NCAM2: variants seen among roughly 807,000 people sequenced by gnomAD.
NCAM2 encodes the protein N-CAM-2.
A neutral mutation model predicts 98.1 loss-of-function variants in NCAM2; 30 were observed. The ratio of observed to expected loss-of-function variants is 0.31; its 90% CI spans 0.23 to 0.41. The LOEUF is 0.41. Ranked by LOEUF, NCAM2 falls within the 10% of genes least tolerant of loss-of-function variation. The pLI, the probability that NCAM2 is intolerant of heterozygous loss-of-function variation, is 1.00. For synonymous variants in NCAM2, 368 were observed against 342.4 expected (o/e 1.07, Z -0.83); for missense variants, 867 against 1,005.8 (o/e 0.86, Z 1.87).
chr21:21,461,255 A>G (rs191429152), intron 12 of NCAM2, among the ~76,000 whole-genome samples: 40 of 152,046 alleles, frequency 2.6e-4, no homozygotes, highest in Non-Finnish European at 5.3e-4. Flanking sequence ...TATGAAACAT[A>G]TTTTGTTCAA....
At chr21:21,026,894 T>C (rs1312580870) in intron 1 of NCAM2, among the ~76,000 whole-genome samples, 1 of 150,048 alleles carries the variant, frequency 6.7e-6, no homozygotes, top group Non-Finnish European at 1.5e-5. Context: ...TCTCATTCTG[T>C]TGCCCAGACT....
intron 11 of NCAM2, among the ~76,000 whole-genome samples, chr21:21,429,208 T>G (rs1364730168): frequency 6.6e-6 from 1 of 152,216 alleles, no homozygotes; most frequent in Admixed American, 6.5e-5. Flanking sequence ...GACTAGGCAC[T>G]GGCCCATGTT....
chr21:21,317,178 C>T (rs914446672), intron 5 of NCAM2, among the ~76,000 whole-genome samples: 2 of 152,148 alleles, frequency 1.3e-5, no homozygotes, highest in Non-Finnish European at 1.5e-5. Flanking sequence ...AGATTCTTCA[C>T]TCTTCCAGGA....
intron 15 of NCAM2, among the ~76,000 whole-genome samples, chr21:21,493,038 G>A (rs1213486328): frequency 6.6e-6 from 1 of 151,816 alleles, no homozygotes. Flanking sequence ...AGTGCATGTT[G>A]GCAGAAAACA....
intron 1 of NCAM2, among the ~76,000 whole-genome samples, chr21:21,117,589 G>A (rs942461296): frequency 3.9e-5 from 6 of 152,120 alleles, no homozygotes; most frequent in Admixed American, 1.3e-4. Flanking sequence ...ACTACAATTT[G>A]CAATAACATT....
At chr21:21,396,423 A>G (rs1056614433) in intron 9 of NCAM2, among the ~76,000 whole-genome samples, 4 of 152,176 alleles carry the variant, frequency 2.6e-5, no homozygotes, top group Non-Finnish European at 4.4e-5. Context: ...TAGACTAGTA[A>G]CACTGTCATG....
At chr21:21,384,433 A>G (rs1396811545) in intron 9 of NCAM2, among the ~76,000 whole-genome samples, 1 of 151,796 alleles carries the variant, frequency 6.6e-6, no homozygotes, top group Non-Finnish European at 1.5e-5. Flanking sequence ...ATTAATCTAG[A>G]TTCTTATAGT....
intron 1 of NCAM2, among the ~76,000 whole-genome samples, chr21:21,010,748 T>C (rs2064194313): frequency 6.6e-6 from 1 of 152,120 alleles, no homozygotes; most frequent in Non-Finnish European, 1.5e-5. Flanking sequence ...TCTCAGGTGA[T>C]GGACATGGAT....
chr21:21,099,038 C>T (rs1377185141), intron 1 of NCAM2, among the ~76,000 whole-genome samples: 3 of 151,818 alleles, frequency 2.0e-5, no homozygotes, highest in African/African-American at 7.2e-5. Context: ...AATTTATTCA[C>T]TTGTGTGTCA....
intron 15 of NCAM2, among the ~76,000 whole-genome samples, chr21:21,486,706 AAGTT>A (rs1986417914): frequency 6.6e-6 from 1 of 152,184 alleles, no homozygotes; most frequent in Non-Finnish European, 1.5e-5. Flanking sequence ...CTTATTTAGT[AAGTT>A]AGTGCAAAGT....
chr21:21,542,302 C>A lies in NCAM2; in HGVS notation c.*4345C>A, dbSNP rs1438645529. 1 of 151,498 alleles carries A rather than the reference C, an allele frequency of 6.6e-6. No homozygotes were observed. The allele number at this position is 151,498 out of a possible 1,614,324, so 9.4% of individuals were successfully genotyped here. ...AATGCGAATAGATTAATTATATCTT[C>A]TCATATAAAGGCAAAGAATTTTATA... On this transcript the variant is annotated 3_prime_UTR_variant, in exon 18 of 18. Coordinates refer to ENST00000400546, the MANE Select transcript of NCAM2 (RefSeq NM_004540.5).
intron 1 of NCAM2, among the ~76,000 whole-genome samples, chr21:21,159,825 T>C (rs551329735): frequency 1.3e-5 from 2 of 152,170 alleles, no homozygotes; most frequent in African/African-American, 4.8e-5. Flanking sequence ...ATGTGTGTGG[T>C]ATTGTTTGAT....
At chr21:21,109,068 T>G (rs2066404948) in intron 1 of NCAM2, among the ~76,000 whole-genome samples, 1 of 152,158 alleles carries the variant, frequency 6.6e-6, no homozygotes, top group Non-Finnish European at 1.5e-5. Context: ...GTGAAAGTTA[T>G]TTAGCTGCTG....
intron 14 of NCAM2, among the ~76,000 whole-genome samples, chr21:21,469,980 A>G (rs1984226080): frequency 6.6e-6 from 1 of 152,044 alleles, no homozygotes; most frequent in Admixed American, 6.6e-5. Context: ...TTCCATGCAG[A>G]TTGTTGCTCA....
chr21:21,089,358 G>A (rs1426561927), intron 1 of NCAM2, among the ~76,000 whole-genome samples: 1 of 151,904 alleles, frequency 6.6e-6, no homozygotes, highest in Admixed American at 6.6e-5. Flanking sequence ...GATTATTTTG[G>A]CCCAAAACCT....
intron 1 of NCAM2, among the ~76,000 whole-genome samples, chr21:21,180,189 C>T (rs2068424602): frequency 6.6e-6 from 1 of 152,098 alleles, no homozygotes; most frequent in Non-Finnish European, 1.5e-5. Flanking sequence ...ACTCTTAAGA[C>T]CCAGACCTCA....
chr21:21,209,148 G>A (rs533746902), intron 1 of NCAM2, among the ~76,000 whole-genome samples: 3 of 152,184 alleles, frequency 2.0e-5, no homozygotes, highest in African/African-American at 7.2e-5. Flanking sequence ...ACATCAAATG[G>A]TAATAGTCCC....
chr21:21,459,975 AT>A (rs1982725818), intron 12 of NCAM2, among the ~76,000 whole-genome samples: 1 of 151,936 alleles, frequency 6.6e-6, no homozygotes, highest in South Asian at 2.1e-4. Context: ...AAATATGAGA[AT>A]TGGTAGATAT....
intron 1 of NCAM2, among the ~76,000 whole-genome samples, chr21:21,172,490 C>A (rs1053581233): frequency 2.0e-5 from 3 of 152,040 alleles, no homozygotes; most frequent in African/African-American, 7.2e-5. Context: ...TAAAATAACT[C>A]TTTCTTAGCA....
Sources: gnomAD v4.1 joint callset for allele counts (sites outside exome capture counted in the v4.1 genomes callset) on GRCh38, gnomAD v4.1.1 for gene constraint, MANE v1.5 for transcripts, NCBI Gene and HGNC (gene_info 2026-07-23, HGNC 2026-07-21) for gene names.